PTPRD: variants seen among roughly 807,000 people sequenced by gnomAD.
The protein encoded by PTPRD is protein tyrosine phosphatase receptor type D, also known as receptor-type tyrosine-protein phosphatase delta.
PTPRD carries 34 observed loss-of-function variants against 214.5 expected under a neutral mutation model. The observed-to-expected ratio is 0.16, with a 90% CI of 0.12 to 0.21. The LOEUF is 0.21. Ranked by LOEUF, PTPRD falls within the 10% of genes least tolerant of loss-of-function variation. The pLI is 1.00. For synonymous variants in PTPRD, 1,128 were observed against 845.7 expected (o/e 1.33, Z -5.79); for missense variants, 2,545 against 2,398.7 (o/e 1.06, Z -1.27).
chr9:8,470,126 T>C (rs2096623748), intron 31 of PTPRD, among the ~76,000 whole-genome samples: 1 of 152,082 alleles, frequency 6.6e-6, no homozygotes, highest in African/African-American at 2.4e-5. Flanking sequence ...GGCGTTACGG[T>C]TATTTGCCTT....
intron 10 of PTPRD, among the ~76,000 whole-genome samples, chr9:9,151,151 C>T (rs1447042191): frequency 6.6e-6 from 1 of 152,216 alleles, no homozygotes; most frequent in Non-Finnish European, 1.5e-5. Flanking sequence ...CTTTCTTACT[C>T]TCTCTTGCAC....
chr9:8,618,924 T>TG (rs2095712241), intron 14 of PTPRD, among the ~76,000 whole-genome samples: 1 of 143,308 alleles, frequency 7.0e-6, no homozygotes, highest in African/African-American at 2.6e-5. Flanking sequence ...GTTTTTTTTT[T>TG]TTTTTTTTTT....
chr9:9,954,699 C>A (rs2093758273), intron 4 of PTPRD, among the ~76,000 whole-genome samples: 1 of 152,082 alleles, frequency 6.6e-6, no homozygotes, highest in Non-Finnish European at 1.5e-5. Flanking sequence ...TCCCTCCCAT[C>A]TGAAACAGTT....
chr9:10,445,950 G>A (rs1378300193), intron 2 of PTPRD, among the ~76,000 whole-genome samples: 1 of 151,994 alleles, frequency 6.6e-6, no homozygotes, highest in East Asian at 1.9e-4. Flanking sequence ...ATTAACCTAG[G>A]AGCAGGTAAA....
At chr9:9,698,522 G>C (rs1054677268) in intron 7 of PTPRD, among the ~76,000 whole-genome samples, 3 of 152,156 alleles carry the variant, frequency 2.0e-5, no homozygotes, top group African/African-American at 4.8e-5. Flanking sequence ...CAACAGTATG[G>C]TCCTGCTGGA....
chr9:9,076,393 T>C (rs371300019), intron 10 of PTPRD, among the ~76,000 whole-genome samples: 7 of 152,112 alleles, frequency 4.6e-5, no homozygotes, highest in African/African-American at 1.7e-4. Flanking sequence ...CTCTTTAGTT[T>C]AATTAGTGTA....
intron 3 of PTPRD, among the ~76,000 whole-genome samples, chr9:10,172,121 T>C (rs969421032): frequency 2.0e-5 from 3 of 152,036 alleles, no homozygotes; most frequent in African/African-American, 7.3e-5. Flanking sequence ...TCTTAAGGAG[T>C]CAAAATCTAA....
At chr9:10,413,651 G>A (rs1415062425) in intron 2 of PTPRD, among the ~76,000 whole-genome samples, 1 of 151,890 alleles carries the variant, frequency 6.6e-6, no homozygotes, top group African/African-American at 2.4e-5. Flanking sequence ...AAATAGCGAA[G>A]GCAATCTCGA....
At chr9:8,749,128 T>G (rs1565771486) in intron 11 of PTPRD, among the ~76,000 whole-genome samples, 1 of 152,204 alleles carries the variant, frequency 6.6e-6, no homozygotes, top group East Asian at 1.9e-4. Flanking sequence ...ATTCTTTTCC[T>G]AGGCCATATA....
intron 11 of PTPRD, among the ~76,000 whole-genome samples, chr9:8,736,694 A>G (rs2090490495): frequency 6.6e-6 from 1 of 151,790 alleles, no homozygotes; most frequent in South Asian, 2.1e-4. Context: ...ATTCTATTAG[A>G]TAGTCTCCTT....
At chr9:10,418,080 A>T (rs1487957405) in intron 2 of PTPRD, among the ~76,000 whole-genome samples, 3 of 151,890 alleles carry the variant, frequency 2.0e-5, no homozygotes, top group Non-Finnish European at 2.9e-5. Flanking sequence ...AGATTTTTTT[A>T]AATTAAAACT....
chr9:10,145,037 C>T (rs372564423), intron 3 of PTPRD, among the ~76,000 whole-genome samples: 1 of 151,770 alleles, frequency 6.6e-6, no homozygotes, highest in Non-Finnish European at 1.5e-5. Context: ...ATAAACACAC[C>T]GATTTTTCAA....
At chr9:8,330,563 ATAGAAAG>A (rs59449220) in intron 44 of PTPRD, among the ~76,000 whole-genome samples, 74,628 of 151,544 alleles carry the variant, frequency 0.49, 22,498 homozygotes, top group African/African-American at 0.85. Context: ...TAATAACTCA[ATAGAAAG>A]TAGAAAGCAA....
At position 8,404,524 on chromosome 9, in the gene PTPRD, T is replaced by C. The variant is rs989063515; in HGVS notation, c.4210+13A>G. Reference sequence around the variant, plus strand: ...TGAAAATAAAGGTATCAGTGATGTCTGCATTTCCTTACCTTCTATAGCTGA... The same window carrying C: ...TGAAAATAAAGGTATCAGTGATGTCCGCATTTCCTTACCTTCTATAGCTGA... On this transcript the variant is annotated intron_variant, in intron 36 of 45. Coordinates refer to ENST00000381196, the MANE Select transcript of PTPRD (RefSeq NM_002839.4). The C allele has an allele frequency of 6.2e-7, 1 of 1,605,550 alleles. No individual in the cohort carries two copies. The highest frequency in any genetic ancestry group is 8.5e-7 in the Non-Finnish European group (1 of 1,173,436).
At chr9:9,516,325 G>A (rs1160467140) in intron 8 of PTPRD, among the ~76,000 whole-genome samples, 5 of 151,898 alleles carry the variant, frequency 3.3e-5, no homozygotes, top group Non-Finnish European at 7.4e-5. Context: ...TTGTTGTCTT[G>A]TGAGAAAATT....
chr9:10,586,133 C>G (rs1283832131), intron 2 of PTPRD, among the ~76,000 whole-genome samples: 3 of 151,962 alleles, frequency 2.0e-5, no homozygotes, highest in Non-Finnish European at 4.4e-5. Context: ...TTTAAGCATT[C>G]AAAAATTTTT....
Position 8,444,191 on chromosome 9 carries a change from T to C in PTPRD, c.3988+5534A>G, listed in dbSNP as rs557868349. ...CAGTAGTATCTGTAATAGCAAAACA[T>C]GAGTAATAACCTAGCCTCCATTAAT... On this transcript the variant is annotated intron_variant, in intron 34 of 45. Coordinates refer to ENST00000381196, the MANE Select transcript of PTPRD (RefSeq NM_002839.4). 4.5e-4 allele frequency among the ~76,000 whole-genome samples: 68 copies of C among 152,272 alleles called. No homozygotes were observed. The South Asian group carries it at 0.014, about 31-fold the overall frequency.
At chr9:9,632,506 T>G (rs1021170941) in intron 7 of PTPRD, among the ~76,000 whole-genome samples, 11 of 152,130 alleles carry the variant, frequency 7.2e-5, no homozygotes, top group African/African-American at 2.7e-4. Context: ...TACAATCTTG[T>G]AAATATATTA....
chr9:9,922,569 T>A (rs535006150), intron 5 of PTPRD, among the ~76,000 whole-genome samples: 1 of 152,006 alleles, frequency 6.6e-6, no homozygotes, highest in Admixed American at 6.6e-5. Context: ...ATAGAGATAA[T>A]GTCTATAATC....
Sources: allele counts gnomAD v4.1 joint callset (sites outside exome capture counted in the v4.1 genomes callset), GRCh38; gene constraint gnomAD v4.1.1; transcripts MANE v1.5; gene names NCBI Gene and HGNC (gene_info 2026-07-23, HGNC 2026-07-21).